GLS: variants seen among roughly 807,000 people sequenced by gnomAD.
The protein encoded by GLS is glutaminase.
A neutral mutation model predicts 86.7 loss-of-function variants in GLS; 36 were observed. That is an observed-to-expected ratio of 0.42 (90% CI 0.32 to 0.55). The LOEUF (loss-of-function observed/expected upper bound fraction) is 0.55, where lower values mean the gene tolerates loss of function less well. Among genes scored for constraint, GLS ranks in the 20% least tolerant of loss-of-function variants. The pLI, the probability that GLS is intolerant of heterozygous loss-of-function variation, is 0.17. For missense variants in GLS, 528 were observed against 833.4 expected (o/e 0.63, Z 4.51); for synonymous variants, 317 against 305.9 (o/e 1.04, Z -0.38).
At chr2:190,957,091 T>C (rs1690877085) in intron 17 of GLS, among the ~76,000 whole-genome samples, 1 of 152,078 alleles carries the variant, frequency 6.6e-6, no homozygotes, top group South Asian at 2.1e-4. Flanking sequence ...TTGAATACCT[T>C]TCTTTCTTTC....
In GLS at chr2:190,914,032, TCCTCCAAGTTTGG is replaced by T. The variant is rs1381826117; in HGVS notation, c.1038+3717_1038+3729del. ...GTCCCAAACTCCTGGCCTAAAGTGA[TCCTCCAAGTTTGG>T]CCTCCCAAAATGCTGGGATGACAGG... On this transcript the variant is annotated intron_variant, in intron 7 of 17. Coordinates refer to ENST00000320717, the MANE Select transcript of GLS (RefSeq NM_014905.5). The surrounding 1 kb of genome is among the most constrained non-coding windows in gnomAD (Gnocchi z 4.4). Among the ~76,000 whole-genome samples, 3 of 152,182 alleles carry T rather than the reference TCCTCCAAGTTTGG, an allele frequency of 2.0e-5. No individual in the cohort carries two copies. The highest frequency in any genetic ancestry group is 4.4e-5 in the Non-Finnish European group (3 of 68,026).
At chr2:190,881,722 C>T (rs1314796560) in intron 1 of GLS, among the ~76,000 whole-genome samples, 1 of 152,094 alleles carries the variant, frequency 6.6e-6, no homozygotes, top group African/African-American at 2.4e-5. Context: ...GGTGGGGCCG[C>T]GGTGGGGCCT....
intron 17 of GLS, among the ~76,000 whole-genome samples, chr2:190,960,234 G>A (rs569757792): frequency 8.5e-5 from 13 of 152,112 alleles, no homozygotes; most frequent in East Asian, 7.7e-4. Flanking sequence ...GGAAAAAAAC[G>A]CATACTTGAT....
At chr2:190,918,423 C>G (rs953783165) in intron 7 of GLS, among the ~76,000 whole-genome samples, 2 of 152,140 alleles carry the variant, frequency 1.3e-5, no homozygotes, top group South Asian at 4.1e-4. Flanking sequence ...TTCCTCAATT[C>G]CCTCAGCCTT....
chr2:190,884,738 A>G (rs1042130877), intron 1 of GLS, among the ~76,000 whole-genome samples: 6 of 152,254 alleles, frequency 3.9e-5, no homozygotes, highest in Non-Finnish European at 7.3e-5. Context: ...AAATACCAGC[A>G]TATGTATGTT....
chr2:190,963,142 GA>G lies in GLS; in HGVS notation c.*157del. ...TTCATTGTGCACACAGGACAAATCT[GA>G]TCTCTTTGGGAAAAAATAGAAATAA... On this transcript the variant is annotated 3_prime_UTR_variant, in exon 18 of 18. Transcript: ENST00000320717. The G allele has an allele frequency of 2.0e-6, 1 of 508,120 alleles. No homozygotes were observed. The highest frequency in any genetic ancestry group is 3.4e-6 in the Non-Finnish European group (1 of 292,056). 31.5% of individuals were successfully genotyped at this position (508,120 alleles called of 1,614,324 possible). A position where few individuals can be genotyped will look rare whatever the true frequency, so the allele number is the denominator to read the frequency against.
In GLS at chr2:190,901,929, T is replaced by C. The variant is rs767793251; in HGVS notation, c.736-18T>C. On this transcript the variant is annotated intron_variant, in intron 4 of 17. Transcript: ENST00000320717. Reference sequence around the variant, plus strand: ...GTCAATATTATATCTATTCATTTCTTTCCAATCTTTTGGATAGGTTGCAGA... The same window carrying C: ...GTCAATATTATATCTATTCATTTCTCTCCAATCTTTTGGATAGGTTGCAGA... 6.8e-7 allele frequency: 1 copy of C among 1,480,940 alleles called. No individual in the cohort carries two copies. Among genetic ancestry groups the C allele is most frequent in the Admixed American group, 1.7e-5 (1 of 59,826 alleles). The allele number at this position is 1,480,940 out of a possible 1,614,324, so 91.7% of individuals were successfully genotyped here. A position where few individuals can be genotyped will look rare whatever the true frequency, so the allele number is the denominator to read the frequency against.
At position 190,880,993 on chromosome 2, in the gene GLS, C is replaced by T. The variant is rs1292600386; in HGVS notation, c.-92C>T. The T allele has an allele frequency of 3.6e-6, 5 of 1,381,584 alleles. No homozygotes were observed. The highest frequency in any genetic ancestry group is 4.9e-6 in the Non-Finnish European group (5 of 1,016,998). 85.6% of individuals were successfully genotyped at this position (1,381,584 alleles called of 1,614,324 possible). ...GCCCTTTCCTCTTCTGTCATCTCAC[C>T]GCCCCACCACAGACCGCGTTCCCCG... is the stretch of plus-strand genomic sequence containing the variant. On this transcript the variant is annotated 5_prime_UTR_variant, in exon 1 of 18. Coordinates refer to ENST00000320717, the MANE Select transcript of GLS (RefSeq NM_014905.5).
intron 1 of GLS, among the ~76,000 whole-genome samples, chr2:190,884,407 G>A (rs1463766784): frequency 1.3e-5 from 2 of 152,184 alleles, no homozygotes; most frequent in African/African-American, 4.8e-5. Flanking sequence ...TGTTATGAGA[G>A]TAATTTTAGA....
intron 14 of GLS, among the ~76,000 whole-genome samples, chr2:190,937,829 G>A (rs760095869): frequency 4.1e-5 from 6 of 145,858 alleles, no homozygotes; most frequent in South Asian, 2.1e-4. Flanking sequence ...CTTTTTTGGC[G>A]GAATCTGTGG....
chr2:190,881,251 C>A lies in GLS; in HGVS notation c.167C>A (p.Pro56Gln). The A allele has an allele frequency of 7.9e-7, 1 of 1,269,842 alleles. No homozygotes were observed. The highest frequency in any genetic ancestry group is 1.6e-5 in the African/African-American group (1 of 64,502). 78.7% of individuals were successfully genotyped at this position (1,269,842 alleles called of 1,614,324 possible). The change falls in exon 1 of 18, where the codon CCG becomes CAG. Residue 56 changes from proline to glutamine, a missense_variant. Around this residue, in one of 4 missense-constraint regions of GLS, gnomAD observed 224 missense variants for 187.9 expected, o/e 1.19. Transcript: ENST00000320717. ...AGPAAAARLH[P>Q]WWGGGGWPAE... ...CCGGCTGCCGCCGCGCGACTCCACC[C>A]GTGGTGGGGCGGGGGCGGCTGGCCG...
At chr2:190,948,732 G>A (rs1300029664) in intron 14 of GLS, among the ~76,000 whole-genome samples, 1 of 152,202 alleles carries the variant, frequency 6.6e-6, no homozygotes, top group Non-Finnish European at 1.5e-5. Flanking sequence ...TAGTGCCATA[G>A]TGCAGCAAAG....
chr2:190,924,831 C>A lies in GLS; in HGVS notation c.1248+238C>A. 1 of 380,984 alleles carries A rather than the reference C, an allele frequency of 2.6e-6. No individual in the cohort carries two copies. Among genetic ancestry groups the A allele is most frequent in the Non-Finnish European group, 4.8e-6 (1 of 206,888 alleles). The allele number at this position is 380,984 out of a possible 1,614,324, so 23.6% of individuals were successfully genotyped here. On this transcript the variant is annotated intron_variant, in intron 11 of 17. Transcript: ENST00000320717. The surrounding 1 kb of genome is among the most constrained non-coding windows in gnomAD (Gnocchi z 5.2). Reference sequence around the variant, plus strand: ...TTGTGAGGCTGAGGCAGGAGAATCCCTTGAACCTGGAAGGCCGAGGTTGCA... The same window carrying A: ...TTGTGAGGCTGAGGCAGGAGAATCCATTGAACCTGGAAGGCCGAGGTTGCA...
At position 190,935,702 on chromosome 2, in the gene GLS, ATAAT is replaced by A. The variant is rs1261649022; in HGVS notation, c.1650+4066_1650+4069del. Among the ~76,000 whole-genome samples the A allele has an allele frequency of 5.9e-5, 9 of 151,416 alleles. No homozygotes were observed. The highest frequency in any genetic ancestry group is 1.9e-4 in the African/African-American group (8 of 41,506). ...TCTCATTTTATCTGTTGTTGCCTAA[ATAAT>A]AGGAAAAACATTGCTAAACCAAATG... On this transcript the variant is annotated intron_variant, in intron 14 of 17. Transcript: ENST00000320717. This position sits in a 1 kb window ranked among gnomAD's most constrained non-coding sequence, Gnocchi z 4.2.
At position 190,949,846 on chromosome 2, in the gene GLS, G is replaced by A. The variant is rs750083479; in HGVS notation, c.1651-3719G>A. 2.0e-5 allele frequency among the ~76,000 whole-genome samples: 3 copies of A among 151,840 alleles called. No homozygotes were observed. The highest frequency in any genetic ancestry group is 2.1e-4 in the South Asian group (1 of 4,818). On this transcript the variant is annotated intron_variant, in intron 14 of 17. Coordinates refer to ENST00000320717, the MANE Select transcript of GLS (RefSeq NM_014905.5). The surrounding 1 kb of genome is among the most constrained non-coding windows in gnomAD (Gnocchi z 4.0). ...TATGTGTGATAGACACTGAGTTTAC[G>A]GTGGGGAACAGAAAGACAAGTGGTC...
At chr2:190,898,788 C>CGGT (rs1473530003) in intron 3 of GLS, among the ~76,000 whole-genome samples, 1 of 152,112 alleles carries the variant, frequency 6.6e-6, no homozygotes, top group Admixed American at 6.5e-5. Context: ...TGCACCACCA[C>CGGT]GCCCGGCTAA....
rs1214769245 is a variant in GLS at position 190,949,957 on chromosome 2, T to C, written c.1651-3608T>C. On this transcript the variant is annotated intron_variant, in intron 14 of 17. Coordinates refer to ENST00000320717, the MANE Select transcript of GLS (RefSeq NM_014905.5). The surrounding 1 kb of genome is among the most constrained non-coding windows in gnomAD (Gnocchi z 4.0). ...TATATACTTTATATATAGTTATATA[T>C]AACAAATATAGTTAAAAAGGATATA... is the stretch of plus-strand genomic sequence containing the variant. 3.3e-5 allele frequency among the ~76,000 whole-genome samples: 5 copies of C among 149,614 alleles called. No homozygotes were observed. The highest frequency in any genetic ancestry group is 1.2e-4 in the African/African-American group (5 of 40,790).
At chr2:190,919,337 A>G (rs1689660271) in intron 7 of GLS, among the ~76,000 whole-genome samples, 1 of 152,176 alleles carries the variant, frequency 6.6e-6, no homozygotes, top group South Asian at 2.1e-4. Flanking sequence ...AGTAAGTCAC[A>G]AAATAGACCA....
At chr2:190,881,574 A>T (rs1688185429) in intron 1 of GLS, 104 bp downstream of exon 1, 1 of 1,052,278 alleles carries the variant, frequency 9.5e-7, no homozygotes. Context: ...AGGGTCTAGA[A>T]AAGAGAAAGA....
Sources: allele counts gnomAD v4.1 joint callset (sites outside exome capture counted in the v4.1 genomes callset), GRCh38; gene constraint gnomAD v4.1.1; regional missense constraint gnomAD v4.1.1; non-coding constraint Gnocchi (gnomAD v3.1); transcripts MANE v1.5; gene names NCBI Gene and HGNC (gene_info 2026-07-23, HGNC 2026-07-21).